Variants in CDYL2 observed in about 807,000 individuals in gnomAD.
CDYL2 encodes the protein chromodomain Y like 2, also known as chromodomain Y-like protein 2.
A neutral mutation model predicts 49.4 loss-of-function variants in CDYL2; 23 were observed. The observed-to-expected ratio is 0.47, with a 90% CI of 0.34 to 0.66. The LOEUF is 0.66. Ranked by LOEUF, CDYL2 falls within the 30% of genes least tolerant of loss-of-function variation. CDYL2 has a pLI of 0.01. For missense variants in CDYL2, 678 were observed against 656.4 expected (o/e 1.03, Z -0.36); for synonymous variants, 360 against 268.8 (o/e 1.34, Z -3.32).
At chr16:80,624,014 T>C (rs1023964710) in intron 3 of CDYL2, among the ~76,000 whole-genome samples, 23 of 152,146 alleles carry the variant, frequency 1.5e-4, no homozygotes, top group African/African-American at 5.3e-4. Flanking sequence ...CCAAGCATCA[T>C]CCAGACCCTC....
chr16:80,617,389 C>T (rs1443987341), intron 4 of CDYL2, among the ~76,000 whole-genome samples: 1 of 152,222 alleles, frequency 6.6e-6, no homozygotes, highest in African/African-American at 2.4e-5. Flanking sequence ...AGTTCTTTCA[C>T]AAGAGACTTC....
chr16:80,623,746 T>C (rs935243013), intron 3 of CDYL2, among the ~76,000 whole-genome samples: 1 of 152,170 alleles, frequency 6.6e-6, no homozygotes, highest in Non-Finnish European at 1.5e-5. Context: ...TTTGCAAGTA[T>C]GGGGTGGAGC....
rs1906020421 is a variant in CDYL2, at chr16:80,600,210, C to T, written c.*4178G>A. 1 of 151,680 alleles carries T rather than the reference C, an allele frequency of 6.6e-6. No homozygotes were observed. Among genetic ancestry groups the T allele is most frequent in the Non-Finnish European group, 1.5e-5 (1 of 67,974 alleles). 9.4% of individuals were successfully genotyped at this position (151,680 alleles called of 1,614,324 possible). On this transcript the variant is annotated 3_prime_UTR_variant, in exon 7 of 7. Coordinates refer to ENST00000570137, the MANE Select transcript of CDYL2 (RefSeq NM_152342.4). ...GCAATTACTTCGAAAAAAGATTAAC[C>T]TGCTCTCCAACAATATAAGAGCATT...
chr16:80,741,040 A>G (rs947529228), intron 1 of CDYL2, among the ~76,000 whole-genome samples: 10 of 151,698 alleles, frequency 6.6e-5, no homozygotes, highest in Non-Finnish European at 1.5e-4. Context: ...AAACAAACAA[A>G]CAAAAAAAGA....
At chr16:80,800,923 C>T (rs1408760190) in intron 1 of CDYL2, among the ~76,000 whole-genome samples, 10 of 152,156 alleles carry the variant, frequency 6.6e-5, no homozygotes, top group Admixed American at 6.5e-4. Flanking sequence ...TCTACTGGAG[C>T]CCAGTGAATG....
At position 80,683,724 on chromosome 16, in the gene CDYL2, T is replaced by C. The variant is rs191991063; in HGVS notation, c.616+814A>G. On this transcript the variant is annotated intron_variant, in intron 2 of 6. Transcript: ENST00000570137. ...AGGTAATTAAGTCATAAGAGCTCCATCCTTGTGGATGGGATTAGTGGCCCT... is the reference window on the plus strand; with the variant it reads ...AGGTAATTAAGTCATAAGAGCTCCACCCTTGTGGATGGGATTAGTGGCCCT... Among the ~76,000 whole-genome samples the C allele has an allele frequency of 2.0e-4, 30 of 152,262 alleles. No individual in the cohort carries two copies. In the East Asian group the frequency reaches 4.4e-3, roughly 23 times the overall value.
chr16:80,628,793 T>C (rs1751332167), intron 3 of CDYL2, among the ~76,000 whole-genome samples: 1 of 152,150 alleles, frequency 6.6e-6, no homozygotes, highest in Non-Finnish European at 1.5e-5. Flanking sequence ...GTTTACTGAA[T>C]TAAGAGAATG....
intron 2 of CDYL2, among the ~76,000 whole-genome samples, chr16:80,656,392 G>A (rs559099469): frequency 2.0e-5 from 3 of 152,228 alleles, no homozygotes; most frequent in East Asian, 1.9e-4. Flanking sequence ...ACGTCCAGTC[G>A]GGGGCACTGC....
At chr16:80,767,484 C>T (rs1036539512) in intron 1 of CDYL2, among the ~76,000 whole-genome samples, 2 of 152,174 alleles carry the variant, frequency 1.3e-5, no homozygotes, top group African/African-American at 4.8e-5. Context: ...CAGATCCCCC[C>T]ACTAAACTTC....
intron 3 of CDYL2, among the ~76,000 whole-genome samples, chr16:80,630,080 T>G (rs1051252185): frequency 2.6e-5 from 4 of 152,220 alleles, no homozygotes; most frequent in African/African-American, 9.6e-5. Flanking sequence ...GTATTCCTCC[T>G]CTCACACAGC....
At chr16:80,680,249 C>T (rs1296041064) in intron 2 of CDYL2, among the ~76,000 whole-genome samples, 1 of 152,082 alleles carries the variant, frequency 6.6e-6, no homozygotes, top group Non-Finnish European at 1.5e-5. Context: ...CTGAATCATG[C>T]AATGTGTGAG....
intron 1 of CDYL2, among the ~76,000 whole-genome samples, chr16:80,776,336 A>G (rs1319319086): frequency 1.3e-5 from 2 of 152,100 alleles, no homozygotes; most frequent in Non-Finnish European, 2.9e-5. Context: ...AATCTGTTAT[A>G]ATCTAGAAAA....
intron 1 of CDYL2, among the ~76,000 whole-genome samples, chr16:80,789,268 C>G (rs1204529090): frequency 6.6e-6 from 1 of 152,172 alleles, no homozygotes; most frequent in African/African-American, 2.4e-5. Context: ...AATCCCATTA[C>G]TGGGTATCTA....
intron 1 of CDYL2, among the ~76,000 whole-genome samples, chr16:80,739,061 G>A (rs890845113): frequency 2.0e-5 from 3 of 152,216 alleles, no homozygotes; most frequent in Admixed American, 6.5e-5. Flanking sequence ...ACACAATGGA[G>A]TATAGTCAGC....
Position 80,685,073 on chromosome 16 carries a change from G to T in CDYL2, c.81C>A (p.Ile27=). The T allele has an allele frequency of 6.2e-7, 1 of 1,614,066 alleles. No individual in the cohort carries two copies. The highest frequency in any genetic ancestry group is 1.1e-5 in the South Asian group (1 of 91,062). ...KNKKGKWEYL[I]RWKGYGSTED... ...CGGTGCTCCCGTAGCCTTTCCATCG[G>T]ATAAGATACTCCCATTTTCCTTTCT... Residue 27 remains isoleucine (I), a synonymous_variant, in exon 2 of 7, where the codon ATC becomes ATA. Transcript: ENST00000570137.
chr16:80,645,860 T>C (rs914628408), intron 2 of CDYL2, among the ~76,000 whole-genome samples: 2 of 151,292 alleles, frequency 1.3e-5, no homozygotes, highest in African/African-American at 4.9e-5. Context: ...CTGGAAACCA[T>C]CATTCTCAGC....
intron 1 of CDYL2, among the ~76,000 whole-genome samples, chr16:80,688,679 C>G (rs1386551232): frequency 6.6e-6 from 1 of 152,192 alleles, no homozygotes; most frequent in Non-Finnish European, 1.5e-5. Flanking sequence ...CGGCATCTCT[C>G]AGGACCTAAT....
intron 2 of CDYL2, among the ~76,000 whole-genome samples, chr16:80,641,811 C>T (rs113673049): frequency 0.046 from 6,864 of 149,996 alleles, 529 homozygotes; most frequent in African/African-American, 0.16. Context: ...GACGAGTTAA[C>T]GGGTGCAGCA....
Position 80,599,456 on chromosome 16 carries a change from AC to A in CDYL2, c.*4931del, listed in dbSNP as rs1905983945. On this transcript the variant is annotated 3_prime_UTR_variant, in exon 7 of 7. Transcript: ENST00000570137. The stretch of plus-strand genomic sequence containing the variant: ...GCTCCATGATTTATGTTCTAGAAAA[AC>A]AGTCCTGGATAGACATATTCAGCTG... 1 of 152,182 alleles carries A rather than the reference AC, an allele frequency of 6.6e-6. No homozygotes were observed. Among genetic ancestry groups the A allele is most frequent in the Non-Finnish European group, 1.5e-5 (1 of 68,034 alleles). The allele number at this position is 152,182 out of a possible 1,614,324, so 9.4% of individuals were successfully genotyped here.
Sources: allele counts gnomAD v4.1 joint callset (sites outside exome capture counted in the v4.1 genomes callset), GRCh38; gene constraint gnomAD v4.1.1; transcripts MANE v1.5; gene names NCBI Gene and HGNC (gene_info 2026-07-23, HGNC 2026-07-21).